AZIN1: variants seen among roughly 807,000 people sequenced by gnomAD.
AZIN1 encodes antizyme inhibitor 1.
A neutral mutation model predicts 47.4 loss-of-function variants in AZIN1; 12 were observed. The ratio of observed to expected loss-of-function variants is 0.25; its 90% CI spans 0.16 to 0.41. The LOEUF is 0.41. AZIN1 is among the 10% of genes least tolerant of loss of function. The pLI is 1.00. For missense variants in AZIN1, 410 were observed against 532.4 expected (o/e 0.77, Z 2.26); for synonymous variants, 155 against 176.3 (o/e 0.88, Z 0.96).
chr8:102,847,756 A>AT (rs1812663781), intron 2 of AZIN1, among the ~76,000 whole-genome samples: 1 of 151,748 alleles, frequency 6.6e-6, no homozygotes, highest in Non-Finnish European at 1.5e-5. Flanking sequence ...CTAATTTTTT[A>AT]TTTTTTGTAG....
At chr8:102,861,414 G>A (rs1813643190) in intron 1 of AZIN1, among the ~76,000 whole-genome samples, 1 of 151,322 alleles carries the variant, frequency 6.6e-6, no homozygotes, top group African/African-American at 2.4e-5. Context: ...TTTTAGTAGA[G>A]ATGGAGTTTC....
intron 5 of AZIN1, among the ~76,000 whole-genome samples, chr8:102,836,850 T>C (rs1811853965): frequency 6.6e-6 from 1 of 152,234 alleles, no homozygotes; most frequent in African/African-American, 2.4e-5. Context: ...CTACTAACAT[T>C]GTTACATCCC....
chr8:102,836,109 A>G, intron 6 of AZIN1, 147 bp downstream of exon 6: 3 of 847,334 alleles, frequency 3.5e-6, no homozygotes, highest in Non-Finnish European at 5.4e-6. Flanking sequence ...TGCCTAAACT[A>G]AGAAGAAAAC....
chr8:102,851,567 G>A (rs1337439817), intron 2 of AZIN1, among the ~76,000 whole-genome samples: 3 of 152,038 alleles, frequency 2.0e-5, no homozygotes, highest in African/African-American at 7.2e-5. Flanking sequence ...TTAGCTGGGC[G>A]TGGTGGTGGG....
At chr8:102,838,080 C>T (rs1586167707) in intron 5 of AZIN1, among the ~76,000 whole-genome samples, 1 of 152,038 alleles carries the variant, frequency 6.6e-6, no homozygotes, top group Non-Finnish European at 1.5e-5. Context: ...ATTACAGGCG[C>T]AGGCCACCTT....
intron 2 of AZIN1, among the ~76,000 whole-genome samples, chr8:102,848,322 CCAAAA>C (rs1159290945): frequency 4.6e-4 from 15 of 32,360 alleles, no homozygotes; most frequent in African/African-American, 1.6e-3. Context: ...GACTAAAAGG[CCAAAA>C]AAAAAAAAAA....
chr8:102,835,879 T>C (rs1216439911), intron 6 of AZIN1, among the ~76,000 whole-genome samples: 1 of 152,188 alleles, frequency 6.6e-6, no homozygotes, highest in Non-Finnish European at 1.5e-5. Flanking sequence ...TCTAATTTAT[T>C]GAAGTCCCCC....
At chr8:102,836,998 G>GA (rs1811864370) in intron 5 of AZIN1, among the ~76,000 whole-genome samples, 1 of 152,022 alleles carries the variant, frequency 6.6e-6, no homozygotes, top group African/African-American at 2.4e-5. Context: ...TCCGCCTCAT[G>GA]AGAGTGCCTC....
intron 6 of AZIN1, chr8:102,835,028 GCTTTTATGTATATGTGGCA>G: frequency 7.3e-6 from 2 of 272,994 alleles, no homozygotes; most frequent in Non-Finnish European, 6.9e-6. Flanking sequence ...AATAAGGTGT[GCTTTTATGTATATGTGGCA>G]CTTTTATGTT....
At chr8:102,830,668 GAAAA>G (rs747447311) in intron 9 of AZIN1, among the ~76,000 whole-genome samples, 3 of 120,660 alleles carry the variant, frequency 2.5e-5, no homozygotes, top group Non-Finnish European at 5.8e-5. Flanking sequence ...AAAAAGAAAA[GAAAA>G]AGAAAAAGAA....
chr8:102,829,402 G>A lies in AZIN1; in HGVS notation c.1105C>T (p.Leu369Phe), dbSNP rs1322643611. ...TCTCCCACATTCAGCTCAGGAAGAA[G>A]ACAGCTTTCCACAATTTGATCAAGC... ...DELDQIVESC[L>F]LPELNVGDWL... Residue 369 changes from leucine to phenylalanine, a missense_variant, in exon 11 of 12, where the codon CTT becomes TTT. Transcript: ENST00000337198. 4 of 1,614,086 alleles carry A rather than the reference G, an allele frequency of 2.5e-6. No individual in the cohort carries two copies. Among genetic ancestry groups the A allele is most frequent in the Non-Finnish European group, 3.4e-6 (4 of 1,179,950 alleles).
intron 2 of AZIN1, among the ~76,000 whole-genome samples, chr8:102,846,795 G>C (rs886502350): frequency 2.0e-5 from 3 of 151,938 alleles, no homozygotes; most frequent in Non-Finnish European, 4.4e-5. Context: ...ACATTATCAC[G>C]CCTACTCACA....
chr8:102,857,579 C>CAT lies in AZIN1; in HGVS notation c.-96+432_-96+433dup, dbSNP rs529635647. On this transcript the variant is annotated intron_variant, in intron 2 of 11. Coordinates refer to ENST00000337198, the MANE Select transcript of AZIN1 (RefSeq NM_148174.4). ...CATACATATATTTTAATACCATATA[C>CAT]ATATTTAGATACATATATAAATTGA... is the stretch of plus-strand genomic sequence containing the variant. 2.1e-3 allele frequency among the ~76,000 whole-genome samples: 324 copies of CAT among 152,114 alleles called. 1 individual carries two copies. The highest frequency in any genetic ancestry group is 0.011 in the Admixed American group (162 of 15,264).
chr8:102,844,270 G>A (rs1271810227), intron 2 of AZIN1, among the ~76,000 whole-genome samples: 1 of 152,092 alleles, frequency 6.6e-6, no homozygotes, highest in East Asian at 1.9e-4. Context: ...ACTTTGAGAG[G>A]CCCAGGCCGG....
chr8:102,849,968 G>A (rs1812821248), intron 2 of AZIN1: 1 of 152,208 alleles, frequency 6.6e-6, no homozygotes, highest in South Asian at 2.1e-4. Context: ...AGTAGTGGCT[G>A]CAGGAGCTGG....
intron 2 of AZIN1, among the ~76,000 whole-genome samples, chr8:102,848,659 T>A (rs1812736532): frequency 6.6e-6 from 1 of 152,182 alleles, no homozygotes; most frequent in African/African-American, 2.4e-5. Context: ...GCTTGAGTCT[T>A]TCATATGTTG....
intron 2 of AZIN1, among the ~76,000 whole-genome samples, chr8:102,847,447 G>A (rs1176757274): frequency 6.6e-6 from 1 of 151,566 alleles, no homozygotes; most frequent in Non-Finnish European, 1.5e-5. Flanking sequence ...TCCTAGCCCA[G>A]AATAGGTACT....
chr8:102,856,037 A>G (rs1267745757), intron 2 of AZIN1: 2 of 151,042 alleles, frequency 1.3e-5, no homozygotes, highest in Non-Finnish European at 3.0e-5. Flanking sequence ...ACTAAATGGG[A>G]TAAGTAAAGA....
At chr8:102,861,224 T>C (rs1813628002) in intron 1 of AZIN1, among the ~76,000 whole-genome samples, 1 of 152,008 alleles carries the variant, frequency 6.6e-6, no homozygotes, top group Admixed American at 6.6e-5. Context: ...TTATTTTTCA[T>C]TATTATTATT....
Sources: gnomAD v4.1 joint callset for allele counts (sites outside exome capture counted in the v4.1 genomes callset) on GRCh38, gnomAD v4.1.1 for gene constraint, MANE v1.5 for transcripts, NCBI Gene and HGNC (gene_info 2026-07-23, HGNC 2026-07-21) for gene names.